PCDHGA2: variants seen among roughly 807,000 people sequenced by gnomAD.
PCDHGA2 encodes protocadherin gamma-A2.
In PCDHGA2, 40 loss-of-function variants were observed where a neutral mutation model predicts 59.2. The ratio of observed to expected loss-of-function variants is 0.68; its 90% confidence interval spans 0.52 to 0.88. PCDHGA2 has a LOEUF of 0.88. Ranked by LOEUF, PCDHGA2 falls within the 40% of genes least tolerant of loss-of-function variation. The pLI is 0.00. For missense variants in PCDHGA2, 1,226 were observed against 1,204.0 expected (o/e 1.02, Z -0.27); for synonymous variants, 560 against 526.0 (o/e 1.06, Z -0.89).
intron 1 of PCDHGA2, chr5:141,404,821 A>C: frequency 6.2e-7 from 1 of 1,613,788 alleles, no homozygotes; most frequent in Non-Finnish European, 8.5e-7. Flanking sequence ...GGCTGCACAC[A>C]GGTGAAGTGC....
chr5:141,356,479 C>T (rs751078238), intron 1 of PCDHGA2: 1 of 1,613,936 alleles, frequency 6.2e-7, no homozygotes. Context: ...TGCCACTGAC[C>T]AGGGAACTCC....
chr5:141,345,577 A>T (rs754155522), intron 1 of PCDHGA2: 1 of 1,614,160 alleles, frequency 6.2e-7, no homozygotes, highest in Admixed American at 1.7e-5. Flanking sequence ...GGCGTCCTAT[A>T]CGCGCTGAGA....
intron 1 of PCDHGA2, among the ~76,000 whole-genome samples, chr5:141,402,165 T>A (rs1200714000): frequency 6.6e-6 from 1 of 152,164 alleles, no homozygotes; most frequent in Non-Finnish European, 1.5e-5. Context: ...GGCGAGAACA[T>A]CTGTAACTAT....
chr5:141,454,644 G>T (rs183290309), intron 1 of PCDHGA2, among the ~76,000 whole-genome samples: 2 of 151,892 alleles, frequency 1.3e-5, no homozygotes, highest in South Asian at 2.1e-4. Flanking sequence ...AACCTCAGGT[G>T]ATCTGCCCAC....
At chr5:141,474,758 C>T (rs2099354200) in intron 1 of PCDHGA2, among the ~76,000 whole-genome samples, 1 of 152,210 alleles carries the variant, frequency 6.6e-6, no homozygotes, top group Non-Finnish European at 1.5e-5. Flanking sequence ...GACAAATATA[C>T]AGAAATAGTA....
At position 141,510,839 on chromosome 5, in the gene PCDHGA2, C is replaced by G. The variant is rs186647886; in HGVS notation, c.2573-108C>G. The stretch of plus-strand genomic sequence containing the variant: ...CTATATTCCCAGTGCTCAGCGTGGT[C>G]AAGGCCCAGGGTGCTGTATAGGCAT... On this transcript the variant is annotated intron_variant, in intron 3 of 3. Coordinates refer to ENST00000394576, the MANE Select transcript of PCDHGA2 (RefSeq NM_018915.4). The G allele has an allele frequency of 6.5e-5, 103 of 1,587,108 alleles. No individual in the cohort carries two copies. The East Asian group carries it at 1.6e-3, about 25-fold the overall frequency.
chr5:141,376,675 C>CTT, intron 1 of PCDHGA2: 16 of 345,018 alleles, frequency 4.6e-5, no homozygotes, highest in Non-Finnish European at 6.4e-5. Context: ...GTGAGGGTAT[C>CTT]GTTTTTTTTT....
Position 141,436,047 on chromosome 5 carries a change from T to G in PCDHGA2, c.2425-58760T>G, listed in dbSNP as rs141900903. On this transcript the variant is annotated intron_variant, in intron 1 of 3. Transcript: ENST00000394576. ...ATACTAAATTTGTATTTACATTAGT[T>G]TTCAAATAGAATTTAATAAGTACAG... is the stretch of plus-strand genomic sequence containing the variant. Among the ~76,000 whole-genome samples the G allele has an allele frequency of 1.0e-2, 1,517 of 152,280 alleles. 31 individuals carry two copies. The highest frequency in any genetic ancestry group is 0.034 in the African/African-American group (1,420 of 41,552).
intron 1 of PCDHGA2, chr5:141,415,772 T>C (rs540545854): frequency 4.5e-6 from 6 of 1,336,628 alleles, no homozygotes; most frequent in African/African-American, 1.8e-5. Context: ...TTTTTTTTTT[T>C]ACTTTCTGGT....
intron 1 of PCDHGA2, chr5:141,365,169 CTT>C: frequency 1.2e-6 from 2 of 1,613,926 alleles, no homozygotes; most frequent in South Asian, 2.2e-5. Flanking sequence ...TTGACCTACT[CTT>C]TTCGCAATGA....
At position 141,397,472 on chromosome 5, in the gene PCDHGA2, A is replaced by T. The variant is rs548612657; in HGVS notation, c.2424+56077A>T. 6.6e-4 allele frequency among the ~76,000 whole-genome samples: 100 copies of T among 152,362 alleles called. 1 individual carries two copies. Among genetic ancestry groups the T allele is most frequent in the African/African-American group, 2.4e-3 (99 of 41,586 alleles). ...AACACTAGAAATATTGGGGAGTTGG[A>T]AATCATAGAAATGAACAGAAGAATG... On this transcript the variant is annotated intron_variant, in intron 1 of 3. Coordinates refer to ENST00000394576, the MANE Select transcript of PCDHGA2 (RefSeq NM_018915.4).
At chr5:141,376,477 T>C (rs550916604) in intron 1 of PCDHGA2, 1 of 1,614,200 alleles carries the variant, frequency 6.2e-7, no homozygotes, top group African/African-American at 1.3e-5. Context: ...AGGATTTACT[T>C]GAAACGAAAG....
intron 1 of PCDHGA2, chr5:141,422,827 A>T: frequency 6.2e-7 from 1 of 1,614,208 alleles, no homozygotes; most frequent in Non-Finnish European, 8.5e-7. Context: ...ACTGAGAGTG[A>T]TAGCACGTGA....
At chr5:141,365,384 C>G in intron 1 of PCDHGA2, 1 of 1,614,020 alleles carries the variant, frequency 6.2e-7, no homozygotes, top group Non-Finnish European at 8.5e-7. Context: ...CCTCACCTCT[C>G]TGACCAGTTC....
intron 1 of PCDHGA2, chr5:141,365,783 GCTCGAGTCAC>G (rs1561535325): frequency 6.2e-7 from 1 of 1,613,842 alleles, no homozygotes; most frequent in Admixed American, 1.7e-5. Flanking sequence ...CGGCGACAAC[GCTCGAGTCAC>G]CTACTCCCTG....
chr5:141,421,945 AT>A (rs1473318347), intron 1 of PCDHGA2: 1 of 1,613,342 alleles, frequency 6.2e-7, no homozygotes, highest in Non-Finnish European at 8.5e-7. Flanking sequence ...AAATGATCAC[AT>A]CCCAATGTTT....
chr5:141,495,424 A>C (rs927637242), intron 2 of PCDHGA2, among the ~76,000 whole-genome samples: 1 of 152,088 alleles, frequency 6.6e-6, no homozygotes, highest in African/African-American at 2.4e-5. Context: ...CCCTCCTCCC[A>C]CTGTCCTCTG....
At chr5:141,436,294 G>A (rs1205368824) in intron 1 of PCDHGA2, among the ~76,000 whole-genome samples, 1 of 152,142 alleles carries the variant, frequency 6.6e-6, no homozygotes, top group Non-Finnish European at 1.5e-5. Context: ...AAATCATTGA[G>A]AGTTAGAGCA....
intron 1 of PCDHGA2, chr5:141,419,043 ATTC>A (rs560207463): frequency 6.2e-5 from 100 of 1,613,840 alleles, no homozygotes; most frequent in Non-Finnish European, 8.1e-5. Context: ...TTTAAGATTC[ATTC>A]TTCTTCTAAT....
Sources: allele counts gnomAD v4.1 joint callset (sites outside exome capture counted in the v4.1 genomes callset), GRCh38; gene constraint gnomAD v4.1.1; transcripts MANE v1.5; gene names NCBI Gene and HGNC (gene_info 2026-07-23, HGNC 2026-07-21).